The following MS4A15 variants were observed in gnomAD, a reference collection of about 807,000 sequenced individuals.
MS4A15 encodes the protein membrane-spanning 4-domains subfamily A member 15.
A neutral mutation model predicts 20.6 loss-of-function variants in MS4A15; 22 were observed. The observed-to-expected ratio is 1.07, with a 90% CI of 0.76 to 1.52. MS4A15 has a LOEUF of 1.52. Among genes scored for constraint, MS4A15 ranks in the 40% most tolerant of loss-of-function variants. The pLI, the probability that MS4A15 is intolerant of heterozygous loss-of-function variation, is 0.00. For missense variants in MS4A15, 312 were observed against 323.0 expected (o/e 0.97, Z 0.26); for synonymous variants, 129 against 129.3 (o/e 1.00, Z 0.02).
chr11:60,771,445 C>T, intron 4 of MS4A15, 98 bp downstream of exon 4: 17 of 1,571,074 alleles, frequency 1.1e-5, no homozygotes, highest in Non-Finnish European at 1.5e-5. Flanking sequence ...CAGCTCATTC[C>T]CCAGCACTTC....
rs992739587 is a variant in MS4A15 at position 60,776,695 on chromosome 11, C to T, written c.*980C>T. The T allele has an allele frequency of 4.6e-5, 7 of 152,386 alleles. No homozygotes were observed. The highest frequency in any genetic ancestry group is 1.7e-4 in the African/African-American group (7 of 41,586). The allele number at this position is 152,386 out of a possible 1,614,324, so 9.4% of individuals were successfully genotyped here. A position where few individuals can be genotyped will look rare whatever the true frequency, so the allele number is the denominator to read the frequency against. On this transcript the variant is annotated 3_prime_UTR_variant, in exon 7 of 7. Transcript: ENST00000405633. The stretch of plus-strand genomic sequence containing the variant: ...TAGATGAGATGGCTTGTCTCATCCA[C>T]ACCACAGAAGGAAATAAACCATGTG...
chr11:60,760,639 G>T (rs7952218), intron 1 of MS4A15, among the ~76,000 whole-genome samples: 121 of 152,282 alleles, frequency 7.9e-4, no homozygotes, highest in Non-Finnish European at 1.4e-3. Flanking sequence ...CTTTGGCTAT[G>T]CATTGCAACT....
intron 3 of MS4A15, among the ~76,000 whole-genome samples, chr11:60,768,530 C>T (rs1488751153): frequency 6.6e-6 from 1 of 152,184 alleles, no homozygotes; most frequent in Non-Finnish European, 1.5e-5. Flanking sequence ...CCAGAGCCTC[C>T]AGCCGCCCCA....
rs1341429170 is a variant in MS4A15 at position 60,761,763 on chromosome 11, T to C, written c.-28-1943T>C. ...AGCAGTGGCAATTATACCCTCTGTT[T>C]CCATAATAATGTTACTGACATAGTT... On this transcript the variant is annotated intron_variant, in intron 1 of 6. Transcript: ENST00000405633. Among the ~76,000 whole-genome samples, 4 of 152,226 alleles carry C rather than the reference T, an allele frequency of 2.6e-5. No individual in the cohort carries two copies. In the East Asian group the frequency reaches 5.8e-4, roughly 22 times the overall value.
chr11:60,775,375 G>A (rs1481226537), intron 6 of MS4A15, among the ~76,000 whole-genome samples: 1 of 152,152 alleles, frequency 6.6e-6, no homozygotes, highest in Non-Finnish European at 1.5e-5. Context: ...GGAGAAATGG[G>A]ACTTTTGTCT....
At chr11:60,759,825 GATTCCCTTACTCAC>G (rs1169532576) in intron 1 of MS4A15, among the ~76,000 whole-genome samples, 1 of 152,104 alleles carries the variant, frequency 6.6e-6, no homozygotes. Flanking sequence ...TTATGATGCA[GATTCCCTTACTCAC>G]ATGTTTTCCT....
intron 1 of MS4A15, among the ~76,000 whole-genome samples, chr11:60,759,912 G>A (rs1307762842): frequency 1.3e-5 from 2 of 152,140 alleles, no homozygotes; most frequent in Non-Finnish European, 2.9e-5. Flanking sequence ...CCCATGCCAA[G>A]ATAGTGAAAA....
At chr11:60,767,212 T>C (rs868651898) in intron 2 of MS4A15, among the ~76,000 whole-genome samples, 2 of 152,110 alleles carry the variant, frequency 1.3e-5, no homozygotes, top group African/African-American at 4.8e-5. Context: ...GCAGGGAATG[T>C]TGGGCCATTG....
chr11:60,770,278 TTGCTAAG>T (rs1379044503), intron 3 of MS4A15, among the ~76,000 whole-genome samples: 6 of 152,152 alleles, frequency 3.9e-5, no homozygotes, highest in Non-Finnish European at 5.9e-5. Context: ...TCTTCACTGT[TTGCTAAG>T]TGTCAGTCTT....
Position 60,761,842 on chromosome 11 carries a change from T to C in MS4A15, c.-28-1864T>C, listed in dbSNP as rs59606963. Among the ~76,000 whole-genome samples the C allele has an allele frequency of 4.2e-3, 643 of 152,348 alleles. 5 individuals are homozygous for C. Among genetic ancestry groups the C allele is most frequent in the African/African-American group, 0.015 (605 of 41,572 alleles). On this transcript the variant is annotated intron_variant, in intron 1 of 6. Transcript: ENST00000405633. ...TTTTGTTTGGGCAAAGTGTTCCTAA[T>C]ATAGAGCAGAATCAATCCTTTTATA...
intron 3 of MS4A15, among the ~76,000 whole-genome samples, chr11:60,768,585 A>G (rs1410603694): frequency 2.0e-5 from 3 of 152,176 alleles, no homozygotes; most frequent in Non-Finnish European, 4.4e-5. Flanking sequence ...TCTGAATCTC[A>G]GCTTCACCGC....
Position 60,763,825 on chromosome 11 carries a change from C to T in MS4A15, c.92C>T (p.Thr31Ile). Residue 31 changes from threonine (T) to isoleucine (I), a missense_variant, in exon 2 of 7, where the codon ACA (threonine) becomes ATA (isoleucine). Transcript: ENST00000405633. ...GLCPPPAILP[T>I]SMCQPPGIMQ... ...TGCCCACCTCCGGCCATTCTGCCCA[C>T]ATCCATGTGCCAACCTCCAGGGATT... is the stretch of plus-strand genomic sequence containing the variant. The T allele has an allele frequency of 1.2e-6, 2 of 1,612,688 alleles. No individual in the cohort carries two copies. Among genetic ancestry groups the T allele is most frequent in the South Asian group, 2.2e-5 (2 of 91,008 alleles).
At position 60,773,964 on chromosome 11, in the gene MS4A15, C is replaced by CCCCCA. The variant is rs1282046949; in HGVS notation, c.612+19_612+23dup. 1 of 1,590,206 alleles carries CCCCCA rather than the reference C, an allele frequency of 6.3e-7. No homozygotes were observed. The highest frequency in any genetic ancestry group is 1.7e-5 in the Admixed American group (1 of 59,840). On this transcript the variant is annotated intron_variant, in intron 6 of 6. Coordinates refer to ENST00000405633, the MANE Select transcript of MS4A15 (RefSeq NM_001098835.2). ...CAGGCCAGTGCAGTGAGTACCCCCA[C>CCCCCA]CCCCACCCCCACGTCCACTAAACCT... is the stretch of plus-strand genomic sequence containing the variant.
Position 60,767,668 on chromosome 11 carries a change from G to T in MS4A15, c.348+13G>T, listed in dbSNP as rs1853919317. ...GGGAGGAGCCTGCGTGAGTGCCGGGGCCATGGAGAGGGAGGGTAGGGGGAT... is the reference window on the plus strand; with the variant it reads ...GGGAGGAGCCTGCGTGAGTGCCGGGTCCATGGAGAGGGAGGGTAGGGGGAT... On this transcript the variant is annotated intron_variant, in intron 3 of 6. Transcript: ENST00000405633. The T allele has an allele frequency of 3.2e-6, 5 of 1,540,526 alleles. No homozygotes were observed. The highest frequency in any genetic ancestry group is 3.5e-6 in the Non-Finnish European group (4 of 1,142,274).
intron 4 of MS4A15, chr11:60,771,714 G>T: frequency 7.8e-7 from 1 of 1,283,658 alleles, no homozygotes; most frequent in Non-Finnish European, 1.0e-6. Context: ...GTGTGGGCAG[G>T]GTCGCCACTG....
At chr11:60,764,060 T>C in intron 2 of MS4A15, 102 bp downstream of exon 2, 1 of 1,063,124 alleles carries the variant, frequency 9.4e-7, no homozygotes, top group Non-Finnish European at 1.4e-6. Flanking sequence ...TTAACAAATA[T>C]GTAGTAATGA....
At position 60,775,734 on chromosome 11, in the gene MS4A15, G is replaced by C; in HGVS notation, c.*19G>C. On this transcript the variant is annotated 3_prime_UTR_variant, in exon 7 of 7. Transcript: ENST00000405633. ...CGTCTGAGTAGCAGATGTGGCACCT[G>C]CGGGTGGAGTCCAGCCTTTTCCCTC... 1 of 1,598,910 alleles carries C rather than the reference G, an allele frequency of 6.3e-7. No homozygotes were observed. The highest frequency in any genetic ancestry group is 8.6e-7 in the Non-Finnish European group (1 of 1,167,892).
intron 3 of MS4A15, 79 bp from the exon 4 acceptor site, chr11:60,771,212 C>A (rs1854028122): frequency 6.4e-7 from 1 of 1,553,272 alleles, no homozygotes; most frequent in Admixed American, 1.7e-5. Flanking sequence ...TCCCTGGCAC[C>A]TCTTGACAGA....
chr11:60,760,336 C>T (rs903301611), intron 1 of MS4A15, among the ~76,000 whole-genome samples: 3 of 152,236 alleles, frequency 2.0e-5, no homozygotes, highest in African/African-American at 7.2e-5. Flanking sequence ...ATTATTAAAA[C>T]TTATCCTGAT....
Sources: gnomAD v4.1 joint callset for allele counts (sites outside exome capture counted in the v4.1 genomes callset) on GRCh38, gnomAD v4.1.1 for gene constraint, MANE v1.5 for transcripts, NCBI Gene and HGNC (gene_info 2026-07-23, HGNC 2026-07-21) for gene names.